Variants in PRPF6 observed in about 807,000 individuals in gnomAD.
The protein encoded by PRPF6 is pre-mRNA processing factor 6.
In PRPF6, 42 loss-of-function variants were observed where a neutral mutation model predicts 118.3. The ratio of observed to expected loss-of-function variants is 0.35; its 90% CI spans 0.28 to 0.46. PRPF6 has a LOEUF of 0.46. PRPF6 is among the 20% of genes least tolerant of loss of function. PRPF6 has a pLI of 1.00. For missense variants in PRPF6, 662 were observed against 1,255.7 expected (o/e 0.53, Z 7.15); for synonymous variants, 481 against 485.1 (o/e 0.99, Z 0.11).
intron 11 of PRPF6, among the ~76,000 whole-genome samples, chr20:64,014,887 C>T (rs1035683462): frequency 1.3e-5 from 2 of 152,178 alleles, no homozygotes; most frequent in Non-Finnish European, 2.9e-5. Flanking sequence ...ATTGCTTCTA[C>T]TGAGCGTGGT....
At chr20:63,986,606 A>C (rs927397115) in intron 3 of PRPF6, among the ~76,000 whole-genome samples, 8 of 149,082 alleles carry the variant, frequency 5.4e-5, no homozygotes, top group African/African-American at 2.0e-4. Context: ...CTCCTGCCTC[A>C]GCCTCCTGAG....
chr20:64,016,928 A>T, intron 12 of PRPF6, 83 bp downstream of exon 12: 11 of 1,528,308 alleles, frequency 7.2e-6, no homozygotes, highest in Admixed American at 3.7e-5. Flanking sequence ...CTACTAGGCT[A>T]TTTTAAAACT....
In PRPF6 at chr20:63,999,038, C is replaced by T. The variant is rs558787024; in HGVS notation, c.772-7C>T. On this transcript the variant is annotated splice_polypyrimidine_tract_variant and splice_region_variant and intron_variant, in intron 6 of 20. Coordinates refer to ENST00000266079, the MANE Select transcript of PRPF6 (RefSeq NM_012469.4). ...CCAGCTGACTCTTAGCTTGGCCTGTCTCACAGGTGTCTGACTCCGTGAGTG... is the reference window on the plus strand; with the variant it reads ...CCAGCTGACTCTTAGCTTGGCCTGTTTCACAGGTGTCTGACTCCGTGAGTG... 12 of 1,611,816 alleles carry T rather than the reference C, an allele frequency of 7.4e-6. No homozygotes were observed. The South Asian group carries it at 1.1e-4, about 15-fold the overall frequency.
rs907360128 is a variant in PRPF6, at chr20:64,026,851, A to G, written c.2029-131A>G. ...ATATATTTATCCCCACCTTTTGTGTACACAAACAGGCTATGAAAAGCTTAC... is the reference window on the plus strand; with the variant it reads ...ATATATTTATCCCCACCTTTTGTGTGCACAAACAGGCTATGAAAAGCTTAC... On this transcript the variant is annotated intron_variant, in intron 15 of 20. Transcript: ENST00000266079. This position sits in a 1 kb window ranked among gnomAD's most constrained non-coding sequence, Gnocchi z 4.4. 1 of 947,878 alleles carries G rather than the reference A, an allele frequency of 1.1e-6. No individual in the cohort carries two copies. The highest frequency in any genetic ancestry group is 1.7e-6 in the Non-Finnish European group (1 of 596,538). The allele number at this position is 947,878 out of a possible 1,614,324, so 58.7% of individuals were successfully genotyped here.
intron 9 of PRPF6, among the ~76,000 whole-genome samples, chr20:64,009,060 G>C (rs145130565): frequency 6.6e-6 from 1 of 151,960 alleles, no homozygotes; most frequent in East Asian, 1.9e-4. Context: ...CGAGGCGGGC[G>C]GATCATGTGG....
At chr20:63,987,169 C>CAAAAAAA (rs61702884) in intron 3 of PRPF6, among the ~76,000 whole-genome samples, 1 of 52,452 alleles carries the variant, frequency 1.9e-5, no homozygotes, top group African/African-American at 8.5e-5. Flanking sequence ...GACCCTGTCT[C>CAAAAAAA]AAAAAAAAAA....
Position 64,027,845 on chromosome 20 carries a change from A to G in PRPF6, c.2339+109A>G. 1 of 1,512,080 alleles carries G rather than the reference A, an allele frequency of 6.6e-7. No individual in the cohort carries two copies. Among genetic ancestry groups the G allele is most frequent in the Non-Finnish European group, 9.2e-7 (1 of 1,091,954 alleles). 93.7% of individuals were successfully genotyped at this position (1,512,080 alleles called of 1,614,324 possible). On this transcript the variant is annotated intron_variant, in intron 17 of 20. Transcript: ENST00000266079. The surrounding 1 kb of genome is among the most constrained non-coding windows in gnomAD (Gnocchi z 6.5). Reference sequence around the variant, plus strand: ...TCACTCGTGCAGTGCTTCCAGGCTCAGGGGCTTGGGGGGCGGTAGGTGCTG... The same window carrying G: ...TCACTCGTGCAGTGCTTCCAGGCTCGGGGGCTTGGGGGGCGGTAGGTGCTG...
At chr20:64,013,713 T>C (rs1329550009) in intron 11 of PRPF6, among the ~76,000 whole-genome samples, 1 of 152,212 alleles carries the variant, frequency 6.6e-6, no homozygotes, top group East Asian at 1.9e-4. Flanking sequence ...GTGTTGAGAT[T>C]ACAGGCATCA....
At chr20:64,017,625 C>T (rs780099050) in intron 12 of PRPF6, among the ~76,000 whole-genome samples, 121 of 151,866 alleles carry the variant, frequency 8.0e-4, no homozygotes, top group Non-Finnish European at 1.2e-3. Context: ...AGGCATGAGC[C>T]GCCGCGCCCG....
At chr20:63,994,799 C>A (rs6011248) in intron 4 of PRPF6, 117 bp from the exon 5 acceptor site, 258,357 of 1,349,782 alleles carry the variant, frequency 0.19, 27,833 homozygotes, top group African/African-American at 0.43. Flanking sequence ...TTGCTGCATC[C>A]AAATCCCTTC....
At chr20:64,025,046 G>A (rs748184965) in intron 14 of PRPF6, among the ~76,000 whole-genome samples, 4 of 152,172 alleles carry the variant, frequency 2.6e-5, no homozygotes, top group Non-Finnish European at 4.4e-5. Context: ...CATGAGGGGG[G>A]TGTGTGTTTT....
At chr20:63,985,457 G>A (rs531579678) in intron 3 of PRPF6, among the ~76,000 whole-genome samples, 18 of 152,276 alleles carry the variant, frequency 1.2e-4, no homozygotes, top group Admixed American at 3.9e-4. Context: ...TTGGTCTGTC[G>A]TAGCCATGCC....
chr20:63,997,347 A>G (rs1316821722), intron 6 of PRPF6, among the ~76,000 whole-genome samples: 3 of 147,744 alleles, frequency 2.0e-5, no homozygotes, highest in Non-Finnish European at 4.5e-5. Flanking sequence ...CTGGAGTTCA[A>G]TGGCATGGTC....
intron 3 of PRPF6, among the ~76,000 whole-genome samples, chr20:63,987,924 T>A (rs563756918): frequency 6.6e-6 from 1 of 152,162 alleles, no homozygotes; most frequent in East Asian, 1.9e-4. Context: ...GGCTCACGCC[T>A]GTAATCCCAG....
Position 63,995,317 on chromosome 20 carries a change from T to G in PRPF6, c.616-10T>G, listed in dbSNP as rs376559986. On this transcript the variant is annotated splice_polypyrimidine_tract_variant and intron_variant, in intron 5 of 20. Transcript: ENST00000266079. ...TGTTTTATTCTTGCCTTTCCTCTCT[T>G]CCCCTCCAGCAATTTGGAGGTCTTA... The G allele has an allele frequency of 3.8e-5, 61 of 1,607,386 alleles. No individual in the cohort carries two copies. Among genetic ancestry groups the G allele is most frequent in the Non-Finnish European group, 4.9e-5 (58 of 1,176,696 alleles).
rs138140940 is a variant in PRPF6 at position 64,018,809 on chromosome 20, T to C, written c.1647+1964T>C. 6.6e-4 allele frequency among the ~76,000 whole-genome samples: 100 copies of C among 152,280 alleles called. 1 individual carries two copies. Among genetic ancestry groups the C allele is most frequent in the Non-Finnish European group, 8.2e-4 (56 of 68,024 alleles). On this transcript the variant is annotated intron_variant, in intron 12 of 20. Coordinates refer to ENST00000266079, the MANE Select transcript of PRPF6 (RefSeq NM_012469.4). The stretch of plus-strand genomic sequence containing the variant: ...AACAGTTTCTCTTACATTTTATTAG[T>C]TGGAATTCTACAGTAACGAAGAGCT...
chr20:64,011,596 C>A lies in PRPF6; in HGVS notation c.1524+93C>A, dbSNP rs2059217531. On this transcript the variant is annotated intron_variant, in intron 11 of 20. Transcript: ENST00000266079. This position sits in a 1 kb window ranked among gnomAD's most constrained non-coding sequence, Gnocchi z 6.7. ...CAGGACTGGGGGTTGCTGGATGGTA[C>A]TGGGGAGTCCTGTGCCAAACCAGAA... The A allele has an allele frequency of 7.2e-7, 1 of 1,381,164 alleles. No individual in the cohort carries two copies. The highest frequency in any genetic ancestry group is 1.0e-6 in the Non-Finnish European group (1 of 1,003,962). 85.6% of individuals were successfully genotyped at this position (1,381,164 alleles called of 1,614,324 possible). A position where few individuals can be genotyped will look rare whatever the true frequency, so the allele number is the denominator to read the frequency against.
At chr20:64,021,562 C>CTGTG (rs370834346) in intron 12 of PRPF6, among the ~76,000 whole-genome samples, 1 of 63,838 alleles carries the variant, frequency 1.6e-5, no homozygotes. Context: ...GTGTGTGTGT[C>CTGTG]TGTGTGTGTG....
intron 9 of PRPF6, among the ~76,000 whole-genome samples, chr20:64,002,670 G>T (rs1319841587): frequency 2.2e-5 from 3 of 138,328 alleles, no homozygotes; most frequent in Admixed American, 1.5e-4. Context: ...TTGAGATGGA[G>T]TCTCACTTTG....
Sources: gnomAD v4.1 joint callset for allele counts (sites outside exome capture counted in the v4.1 genomes callset) on GRCh38, gnomAD v4.1.1 for gene constraint, Gnocchi (gnomAD v3.1) non-coding constraint, MANE v1.5 for transcripts, NCBI Gene and HGNC (gene_info 2026-07-23, HGNC 2026-07-21) for gene names.